The following CYP19A1 variants were observed in gnomAD, a reference collection of about 807,000 sequenced individuals.
CYP19A1 encodes the protein cytochrome P450 family 19 subfamily A member 1.
Under a neutral mutation model 44.4 loss-of-function variants are expected in CYP19A1, and 32 were observed. The observed-to-expected ratio is 0.72, with a 90% CI of 0.54 to 0.97. CYP19A1 has a LOEUF of 0.97. CYP19A1 is among the 50% of genes least tolerant of loss of function. The pLI is 0.00. For missense variants in CYP19A1, 598 were observed against 637.8 expected (o/e 0.94, Z 0.67); for synonymous variants, 212 against 215.6 (o/e 0.98, Z 0.14).
chr15:51,228,827 CCCTCT>C (rs1271887641), intron 3 of CYP19A1, among the ~76,000 whole-genome samples: 2 of 152,182 alleles, frequency 1.3e-5, no homozygotes, highest in Admixed American at 1.3e-4. Context: ...CTTTGGTCCT[CCCTCT>C]CCTCTGGTCT....
rs761798188 is a variant in CYP19A1, at chr15:51,210,616, T to C, written c.*192A>G. On this transcript the variant is annotated 3_prime_UTR_variant, in exon 10 of 10. Transcript: ENST00000396402. ...GGCCTCTGCTTTTTCTCTTGTAGCC[T>C]GGTTCTCTGGTGTGAACAGGAGCAG... 7.0e-6 allele frequency: 5 copies of C among 718,504 alleles called. No individual in the cohort carries two copies. Among genetic ancestry groups the C allele is most frequent in the Non-Finnish European group, 1.3e-5 (5 of 390,680 alleles). 44.5% of individuals were successfully genotyped at this position (718,504 alleles called of 1,614,324 possible). A position where few individuals can be genotyped will look rare whatever the true frequency, so the allele number is the denominator to read the frequency against.
At chr15:51,244,496 A>G (rs2033961427) in intron 1 of CYP19A1, among the ~76,000 whole-genome samples, 1 of 152,176 alleles carries the variant, frequency 6.6e-6, no homozygotes, top group Admixed American at 6.5e-5. Flanking sequence ...AGTCGAAACT[A>G]AAAAGTCAGC....
intron 5 of CYP19A1, among the ~76,000 whole-genome samples, chr15:51,220,911 T>G (rs1409914849): frequency 6.6e-6 from 1 of 152,054 alleles, no homozygotes; most frequent in Admixed American, 6.5e-5. Flanking sequence ...CATCCTCTGG[T>G]AACCACCAAA....
rs751920045 is a variant in CYP19A1, at chr15:51,227,902, T to C, written c.328A>G (p.Asn110Asp). ...SSSMFHIMKH[N>D]HYSSRFGSKL... Reference sequence around the variant, plus strand: ...CTGCCGAATCGAGAGCTGTAATGATTGTGCTTCATTATGTGGAACATACTT... The same window carrying C: ...CTGCCGAATCGAGAGCTGTAATGATCGTGCTTCATTATGTGGAACATACTT... Residue 110 changes from asparagine to aspartate, a missense_variant, in exon 4 of 10, where the codon AAT becomes GAT. Transcript: ENST00000396402. 1 of 1,595,622 alleles carries C rather than the reference T, an allele frequency of 6.3e-7. No individual in the cohort carries two copies. Among genetic ancestry groups the C allele is most frequent in the South Asian group, 1.1e-5 (1 of 90,690 alleles).
Position 51,237,145 on chromosome 15 carries a change from G to C in CYP19A1, c.146-136C>G, listed in dbSNP as rs2033454504. ...TGTATATCTGTGAATCACGAATAAA[G>C]TGATTTGAAACAAAACAAAACAAAA... On this transcript the variant is annotated intron_variant, in intron 2 of 9. Transcript: ENST00000396402. 5 of 1,019,502 alleles carry C rather than the reference G, an allele frequency of 4.9e-6. No homozygotes were observed. The East Asian group carries it at 1.3e-4, about 27-fold the overall frequency. 63.2% of individuals were successfully genotyped at this position (1,019,502 alleles called of 1,614,324 possible). A position where few individuals can be genotyped will look rare whatever the true frequency, so the allele number is the denominator to read the frequency against.
chr15:51,269,175 A>C (rs1022826960), intron 1 of CYP19A1, among the ~76,000 whole-genome samples: 1 of 152,086 alleles, frequency 6.6e-6, no homozygotes, highest in African/African-American at 2.4e-5. Context: ...TCTATGATCC[A>C]TTTTGAGTTA....
chr15:51,330,963 GA>G (rs1396950918), intron 1 of CYP19A1, among the ~76,000 whole-genome samples: 2 of 152,144 alleles, frequency 1.3e-5, no homozygotes, highest in Non-Finnish European at 2.9e-5. Context: ...GTGACGTGGC[GA>G]ATGAATGAGG....
chr15:51,217,648 G>A (rs1595674229), intron 6 of CYP19A1, among the ~76,000 whole-genome samples: 1 of 152,178 alleles, frequency 6.6e-6, no homozygotes, highest in Non-Finnish European at 1.5e-5. Flanking sequence ...ACTTGAGATG[G>A]TTAGGAACAT....
chr15:51,333,133 A>C lies in CYP19A1; in HGVS notation c.-39+5362T>G, dbSNP rs915986327. ...TTATGTCCTAACGTTAATATTTTAA[A>C]TGTATTACTGTTCCCTAGTGGCTTG... On this transcript the variant is annotated intron_variant, in intron 1 of 9. Coordinates refer to ENST00000396402, the MANE Select transcript of CYP19A1 (RefSeq NM_000103.4). 4.6e-5 allele frequency among the ~76,000 whole-genome samples: 7 copies of C among 152,242 alleles called. No individual in the cohort carries two copies. In the South Asian group the frequency reaches 8.3e-4, roughly 18 times the overall value.
chr15:51,325,969 C>A (rs1454282096), intron 1 of CYP19A1, among the ~76,000 whole-genome samples: 1 of 151,924 alleles, frequency 6.6e-6, no homozygotes, highest in Non-Finnish European at 1.5e-5. Flanking sequence ...AAATCAAAGC[C>A]CATTTTATAA....
intron 1 of CYP19A1, among the ~76,000 whole-genome samples, chr15:51,304,349 GTC>G (rs1043772819): frequency 6.6e-6 from 1 of 152,096 alleles, no homozygotes; most frequent in Non-Finnish European, 1.5e-5. Flanking sequence ...CCCTTAGCTA[GTC>G]AGTAAATCTT....
At chr15:51,220,636 T>C (rs1455408323) in intron 5 of CYP19A1, among the ~76,000 whole-genome samples, 1 of 152,182 alleles carries the variant, frequency 6.6e-6, no homozygotes, top group Non-Finnish European at 1.5e-5. Flanking sequence ...TATTTAGGGG[T>C]AACTGTAATA....
At chr15:51,272,380 A>G (rs2035159428) in intron 1 of CYP19A1, among the ~76,000 whole-genome samples, 1 of 152,240 alleles carries the variant, frequency 6.6e-6, no homozygotes, top group South Asian at 2.1e-4. Flanking sequence ...ACTTTATAGC[A>G]CCAGCATCTA....
chr15:51,254,646 C>T (rs2034448657), intron 1 of CYP19A1, among the ~76,000 whole-genome samples: 1 of 152,152 alleles, frequency 6.6e-6, no homozygotes, highest in Non-Finnish European at 1.5e-5. Context: ...TTGATTGACT[C>T]TCTCAATCCA....
chr15:51,323,336 TTAA>T (rs2036557024), intron 1 of CYP19A1, among the ~76,000 whole-genome samples: 5 of 152,112 alleles, frequency 3.3e-5, no homozygotes, highest in Non-Finnish European at 5.9e-5. Flanking sequence ...CCTAAAGAAT[TTAA>T]GTGCAGATGT....
intron 1 of CYP19A1, among the ~76,000 whole-genome samples, chr15:51,329,407 CT>C (rs2036664325): frequency 6.6e-6 from 1 of 152,210 alleles, no homozygotes; most frequent in South Asian, 2.1e-4. Context: ...ATTTCCACCC[CT>C]TTTCAGTGTC....
chr15:51,244,154 A>G (rs1374429249), intron 1 of CYP19A1, among the ~76,000 whole-genome samples: 1 of 152,206 alleles, frequency 6.6e-6, no homozygotes, highest in African/African-American at 2.4e-5. Flanking sequence ...TCCTTGAAAC[A>G]CTGCATAAAA....
intron 3 of CYP19A1, among the ~76,000 whole-genome samples, chr15:51,230,292 G>A (rs1244446808): frequency 6.6e-6 from 1 of 152,226 alleles, no homozygotes; most frequent in Non-Finnish European, 1.5e-5. Flanking sequence ...TACTGCCAGA[G>A]GCAAGTGTTA....
At chr15:51,316,975 G>A (rs1566924085) in intron 1 of CYP19A1, among the ~76,000 whole-genome samples, 3 of 152,192 alleles carry the variant, frequency 2.0e-5, no homozygotes, top group Admixed American at 2.0e-4. Context: ...ATGGGACTAT[G>A]AGGTAGGGTG....
Sources: gnomAD v4.1 joint callset for allele counts (sites outside exome capture counted in the v4.1 genomes callset) on GRCh38, gnomAD v4.1.1 for gene constraint, MANE v1.5 for transcripts, NCBI Gene and HGNC (gene_info 2026-07-23, HGNC 2026-07-21) for gene names.